POT1: variants seen among roughly 807,000 people sequenced by gnomAD.
POT1 encodes the protein protection of telomeres 1.
POT1 carries 47 observed loss-of-function variants against 78.5 expected under a neutral mutation model. The observed-to-expected ratio is 0.60, with a 90% CI of 0.47 to 0.76. POT1 has a LOEUF of 0.76. POT1 is among the 30% of genes least tolerant of loss of function. The pLI is 0.00. For synonymous variants in POT1, 259 were observed against 260.7 expected (o/e 0.99, Z 0.06); for missense variants, 646 against 749.9 (o/e 0.86, Z 1.62).
At position 124,827,217 on chromosome 7, in the gene POT1, A is replaced by C; in HGVS notation, c.1683T>G (p.Asp561Glu). Residue 561 changes from aspartate to glutamate, a missense_variant, in exon 17 of 19, where the codon GAT (aspartate) becomes GAG (glutamate). Asp to Glu is a conservative substitution (Grantham distance 45). Transcript: ENST00000357628. ...GTGVLEAYLM[D>E]SDKFFQIPAS... ...CTTTATTACCTCTGATACTTACAGA[A>C]TCCATGAGATAGGCTTCTAGTACTC... 6.6e-7 allele frequency: 1 copy of C among 1,508,044 alleles called. No individual in the cohort carries two copies. Among genetic ancestry groups the C allele is most frequent in the Non-Finnish European group, 9.1e-7 (1 of 1,104,820 alleles). 93.4% of individuals were successfully genotyped at this position (1,508,044 alleles called of 1,614,324 possible). A position where few individuals can be genotyped will look rare whatever the true frequency, so the allele number is the denominator to read the frequency against.
intron 6 of POT1, among the ~76,000 whole-genome samples, chr7:124,885,237 C>T (rs889319642): frequency 2.3e-5 from 3 of 131,998 alleles, no homozygotes; most frequent in African/African-American, 8.7e-5. Context: ...AGAAGGACTG[C>T]TTGAGACCAG....
chr7:124,899,365 G>GTT, intron 3 of POT1, among the ~76,000 whole-genome samples: 1 of 152,084 alleles, frequency 6.6e-6, no homozygotes, highest in African/African-American at 2.4e-5. Context: ...CAATTCCTGC[G>GTT]TTTTTTTCTT....
rs1421776740 is a variant in POT1, at chr7:124,859,207, A to G, written c.547-95T>C. Reference sequence around the variant, plus strand: ...GGAAACAGTATTTAAAAGTAATTAAACTTATGCCTCTGAATATTGGCACTA... The same window carrying G: ...GGAAACAGTATTTAAAAGTAATTAAGCTTATGCCTCTGAATATTGGCACTA... On this transcript the variant is annotated intron_variant, in intron 8 of 18. Coordinates refer to ENST00000357628, the MANE Select transcript of POT1 (RefSeq NM_015450.3). 7 of 869,748 alleles carry G rather than the reference A, an allele frequency of 8.0e-6. 1 individual carries two copies. The Admixed American group carries it at 1.5e-4, about 19-fold the overall frequency. The allele number at this position is 869,748 out of a possible 1,614,324, so 53.9% of individuals were successfully genotyped here. A position where few individuals can be genotyped will look rare whatever the true frequency, so the allele number is the denominator to read the frequency against.
At chr7:124,871,747 T>G (rs898786981) in intron 6 of POT1, among the ~76,000 whole-genome samples, 2 of 144,940 alleles carry the variant, frequency 1.4e-5, no homozygotes, top group Admixed American at 6.9e-5. Flanking sequence ...TTTTTTTTTT[T>G]GTAATTAACA....
At chr7:124,897,628 A>C (rs976713647) in intron 4 of POT1, among the ~76,000 whole-genome samples, 2 of 151,914 alleles carry the variant, frequency 1.3e-5, no homozygotes, top group African/African-American at 2.4e-5. Context: ...AAAATCAATA[A>C]GGAAGTGCTT....
At chr7:124,896,195 G>A (rs892123912) in intron 5 of POT1, among the ~76,000 whole-genome samples, 42 of 151,590 alleles carry the variant, frequency 2.8e-4, no homozygotes, top group African/African-American at 9.9e-4. Context: ...AGCATCTTTT[G>A]ATGAGTCAGG....
intron 2 of POT1, among the ~76,000 whole-genome samples, chr7:124,922,461 T>C (rs28409696): frequency 0.6 from 91,219 of 151,764 alleles, 27,554 homozygotes; most frequent in African/African-American, 0.65. Context: ...AACAGTTCAA[T>C]GAACAGGGGA....
In POT1 at chr7:124,927,054, C is replaced by T. The variant is rs144796416; in HGVS notation, c.-227+1761G>A. Among the ~76,000 whole-genome samples the T allele has an allele frequency of 1.4e-3, 219 of 152,256 alleles. 2 individuals carry two copies. The highest frequency in any genetic ancestry group is 5.0e-3 in the African/African-American group (206 of 41,544). On this transcript the variant is annotated intron_variant, in intron 2 of 18. Coordinates refer to ENST00000357628, the MANE Select transcript of POT1 (RefSeq NM_015450.3). ...GCTATATATCAACATAGCAAAACTGCACTTGTTTCCCACACCTATTTACAA... is the reference window on the plus strand; with the variant it reads ...GCTATATATCAACATAGCAAAACTGTACTTGTTTCCCACACCTATTTACAA...
At chr7:124,928,495 C>T (rs1406570592) in intron 2 of POT1, among the ~76,000 whole-genome samples, 3 of 152,204 alleles carry the variant, frequency 2.0e-5, no homozygotes, top group East Asian at 1.9e-4. Context: ...CATCACAATG[C>T]TAATATCACA....
At chr7:124,904,206 A>C (rs1729743444) in intron 3 of POT1, among the ~76,000 whole-genome samples, 1 of 152,194 alleles carries the variant, frequency 6.6e-6, no homozygotes, top group Admixed American at 6.6e-5. Context: ...TGGCAGAGAC[A>C]TAACAAAAAA....
chr7:124,898,336 A>G lies in POT1; in HGVS notation c.-115T>C, dbSNP rs952365860. 1 of 151,806 alleles carries G rather than the reference A, an allele frequency of 6.6e-6. No homozygotes were observed. The highest frequency in any genetic ancestry group is 2.4e-5 in the African/African-American group (1 of 41,382). 9.4% of individuals were successfully genotyped at this position (151,806 alleles called of 1,614,324 possible). A position where few individuals can be genotyped will look rare whatever the true frequency, so the allele number is the denominator to read the frequency against. On this transcript the variant is annotated 5_prime_UTR_variant, in exon 4 of 19. Coordinates refer to ENST00000357628, the MANE Select transcript of POT1 (RefSeq NM_015450.3). ...TACCATCTCTGCTTGTAGATGAAGA[A>G]GCTAAAAAAACAATAAATCTAGCCA... is the stretch of plus-strand genomic sequence containing the variant.
chr7:124,878,439 T>C lies in POT1; in HGVS notation c.125-7398A>G, dbSNP rs368110936. 1.1e-3 allele frequency among the ~76,000 whole-genome samples: 166 copies of C among 152,296 alleles called. 1 individual carries two copies. The highest frequency in any genetic ancestry group is 4.1e-3 in the South Asian group (20 of 4,832). ...TGCACAGTGTGGTGACCATACTTAA[T>C]AATGATGTATTGCATATTTCAAAAT... On this transcript the variant is annotated intron_variant, in intron 6 of 18. Coordinates refer to ENST00000357628, the MANE Select transcript of POT1 (RefSeq NM_015450.3).
intron 6 of POT1, among the ~76,000 whole-genome samples, chr7:124,886,278 A>G (rs1446296897): frequency 6.6e-6 from 1 of 152,198 alleles, no homozygotes; most frequent in African/African-American, 2.4e-5. Context: ...TTTCCACCAC[A>G]TAACTAGCTA....
At position 124,926,422 on chromosome 7, in the gene POT1, A is replaced by G. The variant is rs988303837; in HGVS notation, c.-227+2393T>C. On this transcript the variant is annotated intron_variant, in intron 2 of 18. Transcript: ENST00000357628. ...ACACCAATCAGAATGGGTATTAAAA[A>G]GACAAAGAAAAAACAGACATTGGGG... Among the ~76,000 whole-genome samples the G allele has an allele frequency of 5.9e-5, 9 of 152,194 alleles. No homozygotes were observed. In the East Asian group the frequency reaches 1.7e-3, roughly 29 times the overall value.
chr7:124,855,104 C>G (rs915716130), intron 9 of POT1, among the ~76,000 whole-genome samples: 3 of 148,928 alleles, frequency 2.0e-5, no homozygotes, highest in African/African-American at 7.4e-5. Flanking sequence ...ACAGTCAAAT[C>G]AATTTTAAAG....
chr7:124,828,987 A>C, intron 16 of POT1: 1 of 667,806 alleles, frequency 1.5e-6, no homozygotes, highest in South Asian at 1.4e-5. Context: ...TGAGAAAAGC[A>C]CTGGTAAAGT....
At chr7:124,858,749 G>A (rs1584769564) in intron 9 of POT1, 1 of 353,816 alleles carries the variant, frequency 2.8e-6, no homozygotes, top group African/African-American at 2.1e-5. Flanking sequence ...ATTTAAGAAA[G>A]ATTATTTTAA....
chr7:124,891,071 T>C lies in POT1; in HGVS notation c.124+1195A>G, dbSNP rs182798729. On this transcript the variant is annotated intron_variant, in intron 6 of 18. Transcript: ENST00000357628. The stretch of plus-strand genomic sequence containing the variant: ...GTTGTTCAAGTTTTCTGTTTCCTTA[T>C]TGATCTCTGTCTGGATGGTCTCCCC... Among the ~76,000 whole-genome samples, 294 of 151,916 alleles carry C rather than the reference T, an allele frequency of 1.9e-3. 3 individuals are homozygous for C. Among genetic ancestry groups the C allele is most frequent in the African/African-American group, 6.5e-3 (269 of 41,526 alleles).
At chr7:124,835,860 T>C (rs1482795316) in intron 14 of POT1, among the ~76,000 whole-genome samples, 1 of 152,218 alleles carries the variant, frequency 6.6e-6, no homozygotes, top group Non-Finnish European at 1.5e-5. Context: ...TCATGTAATA[T>C]GAATTCACAT....
Sources: allele counts gnomAD v4.1 joint callset (sites outside exome capture counted in the v4.1 genomes callset), GRCh38; gene constraint gnomAD v4.1.1; transcripts MANE v1.5; gene names NCBI Gene and HGNC (gene_info 2026-07-23, HGNC 2026-07-21).